The following R3HDM1 variants were observed in gnomAD, a reference collection of about 807,000 sequenced individuals.
R3HDM1 encodes R3H domain containing 1.
R3HDM1 carries 46 observed loss-of-function variants against 141.1 expected under a neutral mutation model. The observed-to-expected ratio is 0.33, with a 90% CI of 0.26 to 0.42. The LOEUF (loss-of-function observed/expected upper bound fraction) is 0.42, where lower values mean the gene tolerates loss of function less well. Among genes scored for constraint, R3HDM1 ranks in the 10% least tolerant of loss-of-function variants. R3HDM1 has a pLI of 1.00. For synonymous variants in R3HDM1, 435 were observed against 472.9 expected (o/e 0.92, Z 1.04); for missense variants, 1,184 against 1,368.3 (o/e 0.87, Z 2.12).
chr2:135,540,769 T>G (rs1013238639), intron 1 of R3HDM1, among the ~76,000 whole-genome samples: 10 of 152,196 alleles, frequency 6.6e-5, no homozygotes, highest in Non-Finnish European at 4.4e-5. Flanking sequence ...GGTTTTCAGC[T>G]TACTTTACCC....
At chr2:135,651,698 G>A (rs2065167959) in intron 17 of R3HDM1, 32 bp from the exon 18 acceptor site, 1 of 1,573,674 alleles carries the variant, frequency 6.4e-7, no homozygotes, top group Non-Finnish European at 8.6e-7. Flanking sequence ...TGTGTAGAAG[G>A]CTTACTAATT....
At chr2:135,701,413 A>G (rs2074187477) in intron 21 of R3HDM1, among the ~76,000 whole-genome samples, 1 of 152,106 alleles carries the variant, frequency 6.6e-6, no homozygotes, top group Non-Finnish European at 1.5e-5. Context: ...AAATAATAAT[A>G]AAGTAAATAT....
chr2:135,605,209 C>T (rs943603675), intron 3 of R3HDM1, 193 bp downstream of exon 3: 7 of 403,680 alleles, frequency 1.7e-5, no homozygotes, highest in Middle Eastern at 6.8e-4. Flanking sequence ...ATGTAATATA[C>T]TTCTTTTTAT....
At chr2:135,632,403 C>G (rs1574527427) in intron 9 of R3HDM1, among the ~76,000 whole-genome samples, 1 of 151,594 alleles carries the variant, frequency 6.6e-6, no homozygotes, top group Non-Finnish European at 1.5e-5. Context: ...AATCTTCTGT[C>G]AGTTTACCGT....
At chr2:135,639,652 T>G (rs535299922) in intron 14 of R3HDM1, among the ~76,000 whole-genome samples, 114 of 152,350 alleles carry the variant, frequency 7.5e-4, no homozygotes, top group African/African-American at 2.5e-3. Flanking sequence ...AATCTCCTCA[T>G]TCTACTACCT....
intron 19 of R3HDM1, chr2:135,669,374 C>G: frequency 1.0e-6 from 1 of 985,132 alleles, no homozygotes; most frequent in Non-Finnish European, 1.2e-6. Context: ...GAATAACATG[C>G]TTATACTCAC....
intron 5 of R3HDM1, among the ~76,000 whole-genome samples, chr2:135,617,030 T>C (rs1478167044): frequency 1.3e-5 from 2 of 152,058 alleles, no homozygotes; most frequent in African/African-American, 2.4e-5. Flanking sequence ...TTTTATAAAG[T>C]TAAAAAATGT....
At chr2:135,665,141 A>T (rs2067302522) in intron 19 of R3HDM1, among the ~76,000 whole-genome samples, 2 of 152,232 alleles carry the variant, frequency 1.3e-5, no homozygotes, top group Admixed American at 6.5e-5. Flanking sequence ...CAGATTACTT[A>T]CCAGTTTCAC....
chr2:135,696,430 A>G (rs2073257019), intron 21 of R3HDM1, among the ~76,000 whole-genome samples: 1 of 152,142 alleles, frequency 6.6e-6, no homozygotes, highest in Non-Finnish European at 1.5e-5. Flanking sequence ...TCTTTAAATT[A>G]TATACTTTAT....
chr2:135,643,625 T>C (rs1451575339), intron 15 of R3HDM1, among the ~76,000 whole-genome samples: 1 of 152,202 alleles, frequency 6.6e-6, no homozygotes, highest in Admixed American at 6.5e-5. Context: ...AATCTACTTA[T>C]TGAAAAAATG....
At chr2:135,607,020 C>T (rs1202794864) in intron 3 of R3HDM1, among the ~76,000 whole-genome samples, 2 of 151,256 alleles carry the variant, frequency 1.3e-5, no homozygotes, top group Admixed American at 6.6e-5. Context: ...GACAGAGTCT[C>T]GCTCTGTCAC....
intron 3 of R3HDM1, 186 bp downstream of exon 3, chr2:135,605,202 T>TA: frequency 2.3e-6 from 1 of 441,850 alleles, no homozygotes. Context: ...TTGTATCATG[T>TA]AATATACTTC....
At chr2:135,636,264 T>C in intron 11 of R3HDM1, 81 bp downstream of exon 11, 1 of 1,490,682 alleles carries the variant, frequency 6.7e-7, no homozygotes, top group Non-Finnish European at 8.9e-7. Context: ...TTTTATCTAT[T>C]GATCACATTT....
At chr2:135,597,419 T>G (rs1024881175) in intron 1 of R3HDM1, among the ~76,000 whole-genome samples, 1 of 152,246 alleles carries the variant, frequency 6.6e-6, no homozygotes, top group Non-Finnish European at 1.5e-5. Context: ...TATATTCTTG[T>G]TCAAGTGACT....
intron 3 of R3HDM1, among the ~76,000 whole-genome samples, chr2:135,610,854 C>T (rs2060471999): frequency 1.3e-5 from 2 of 152,086 alleles, no homozygotes; most frequent in African/African-American, 4.8e-5. Flanking sequence ...TGGCTCCTGC[C>T]AGCACTTTGG....
chr2:135,572,527 C>G (rs1284734818), intron 1 of R3HDM1, among the ~76,000 whole-genome samples: 1 of 152,130 alleles, frequency 6.6e-6, no homozygotes, highest in Non-Finnish European at 1.5e-5. Context: ...TATAATAAAA[C>G]AACACACACA....
intron 1 of R3HDM1, among the ~76,000 whole-genome samples, chr2:135,533,507 A>G (rs1304398131): frequency 3.7e-4 from 57 of 152,268 alleles, no homozygotes; most frequent in Admixed American, 3.7e-3. Flanking sequence ...GGATCCCTCC[A>G]TGAACCTCAG....
At position 135,622,651 on chromosome 2, in the gene R3HDM1, T is replaced by C; in HGVS notation, c.419-3T>C. 1 of 1,592,730 alleles carries C rather than the reference T, an allele frequency of 6.3e-7. No individual in the cohort carries two copies. Among genetic ancestry groups the C allele is most frequent in the Non-Finnish European group, 8.5e-7 (1 of 1,169,730 alleles). ...ACTGGGTTTTTGTGTTGTTGTTTTTTAGATTCCAGTCAAGAATACACTGAT... is the reference window on the plus strand; with the variant it reads ...ACTGGGTTTTTGTGTTGTTGTTTTTCAGATTCCAGTCAAGAATACACTGAT... On this transcript the variant is annotated splice_region_variant and splice_polypyrimidine_tract_variant and intron_variant, in intron 6 of 26. Coordinates refer to ENST00000683871, the MANE Select transcript of R3HDM1 (RefSeq NM_001378107.1).
At chr2:135,658,247 C>G (rs914527946) in intron 18 of R3HDM1, among the ~76,000 whole-genome samples, 2 of 152,212 alleles carry the variant, frequency 1.3e-5, no homozygotes, top group African/African-American at 4.8e-5. Flanking sequence ...CTCACCACAA[C>G]TTCCGCCTCC....
Sources: allele counts gnomAD v4.1 joint callset (sites outside exome capture counted in the v4.1 genomes callset), GRCh38; gene constraint gnomAD v4.1.1; transcripts MANE v1.5; gene names NCBI Gene and HGNC (gene_info 2026-07-23, HGNC 2026-07-21).